The following MGAT4C variants were observed in gnomAD, a reference collection of about 807,000 sequenced individuals.
The protein encoded by MGAT4C is alpha-1,3-mannosyl-glycoprotein 4-beta-N-acetylglucosaminyltransferase C.
A neutral mutation model predicts 40.1 loss-of-function variants in MGAT4C; 19 were observed. The ratio of observed to expected loss-of-function variants is 0.47; its 90% confidence interval spans 0.33 to 0.70. The LOEUF (loss-of-function observed/expected upper bound fraction) is 0.70. Ranked by LOEUF, MGAT4C falls within the 30% of genes least tolerant of loss-of-function variation. MGAT4C has a pLI of 0.02. For missense variants in MGAT4C, 491 were observed against 563.2 expected (o/e 0.87, Z 1.30); for synonymous variants, 181 against 187.1 (o/e 0.97, Z 0.27).
intron 2 of MGAT4C, among the ~76,000 whole-genome samples, chr12:86,496,161 C>T (rs1301088769): frequency 6.6e-6 from 1 of 151,962 alleles, no homozygotes; most frequent in Non-Finnish European, 1.5e-5. Context: ...CTAGTGGATG[C>T]ATTTGATGAT....
chr12:86,702,795 G>T (rs894719864), intron 2 of MGAT4C, among the ~76,000 whole-genome samples: 1 of 152,104 alleles, frequency 6.6e-6, no homozygotes, highest in Non-Finnish European at 1.5e-5. Context: ...CATTCGCTCT[G>T]CAGCCCATTG....
intron 1 of MGAT4C, among the ~76,000 whole-genome samples, chr12:86,110,267 ACT>A (rs1877022983): frequency 3.8e-5 from 1 of 26,070 alleles, no homozygotes; most frequent in South Asian, 1.8e-3. Context: ...ATATATATAG[ACT>A]ATATATATAG....
chr12:86,213,761 C>T (rs567687592), intron 1 of MGAT4C, among the ~76,000 whole-genome samples: 13 of 152,178 alleles, frequency 8.5e-5, no homozygotes, highest in Non-Finnish European at 1.2e-4. Context: ...CTGTCAAAAC[C>T]GAAGTTAAAA....
intron 1 of MGAT4C, among the ~76,000 whole-genome samples, chr12:86,194,457 T>A (rs984283423): frequency 4.7e-5 from 5 of 105,746 alleles, no homozygotes; most frequent in Admixed American, 9.3e-5. Context: ...AGCAAATCAA[T>A]TTTTTTTTTT....
intron 2 of MGAT4C, among the ~76,000 whole-genome samples, chr12:86,043,924 T>A (rs1892137111): frequency 6.6e-6 from 1 of 152,182 alleles, no homozygotes; most frequent in African/African-American, 2.4e-5. Flanking sequence ...CCAGCGTGGG[T>A]CATTTTGAGG....
chr12:86,165,916 A>C (rs1324668363), intron 1 of MGAT4C, among the ~76,000 whole-genome samples: 2 of 152,194 alleles, frequency 1.3e-5, no homozygotes, highest in African/African-American at 4.8e-5. Context: ...TCCTGGCTTC[A>C]TCAATGTCAA....
intron 2 of MGAT4C, among the ~76,000 whole-genome samples, chr12:86,024,630 A>G (rs1272489608): frequency 6.6e-6 from 1 of 151,808 alleles, no homozygotes; most frequent in African/African-American, 2.4e-5. Context: ...AAGTAATTTC[A>G]GGTTAACTCA....
At chr12:86,102,235 T>C (rs968203231) in intron 1 of MGAT4C, among the ~76,000 whole-genome samples, 2 of 151,984 alleles carry the variant, frequency 1.3e-5, no homozygotes, top group African/African-American at 4.8e-5. Flanking sequence ...GAACACTTTT[T>C]TTTGTAATGA....
intron 2 of MGAT4C, among the ~76,000 whole-genome samples, chr12:85,998,812 A>G (rs1414011304): frequency 6.6e-6 from 1 of 152,040 alleles, no homozygotes; most frequent in African/African-American, 2.4e-5. Context: ...ATGTTTTTCT[A>G]TCTTCTTCTG....
At chr12:86,170,893 GT>G (rs1268040112) in intron 1 of MGAT4C, among the ~76,000 whole-genome samples, 6 of 152,054 alleles carry the variant, frequency 3.9e-5, no homozygotes, top group African/African-American at 1.4e-4. Context: ...GGGCGACAGA[GT>G]GAGAAAGAAA....
chr12:86,215,320 C>T (rs1443672331), intron 1 of MGAT4C, among the ~76,000 whole-genome samples: 1 of 152,120 alleles, frequency 6.6e-6, no homozygotes, highest in East Asian at 1.9e-4. Flanking sequence ...TAATCCAAAG[C>T]AAGACCCTCT....
At chr12:86,740,704 T>C (rs1399328346) in intron 1 of MGAT4C, among the ~76,000 whole-genome samples, 1 of 151,144 alleles carries the variant, frequency 6.6e-6, no homozygotes, top group Non-Finnish European at 1.5e-5. Context: ...TGGCCTTCAA[T>C]AGAGCAATTC....
In MGAT4C at chr12:86,536,999, A is replaced by C. The variant is rs150987139; in HGVS notation, c.-228-101734T>G. ...TCCAACAATGACAGATGGGATTAAG[A>C]AAATGTGGCACATATACAACATGGA... On this transcript the variant is annotated intron_variant, in intron 2 of 7. Coordinates refer to the MGAT4C transcript ENST00000548651. Among the ~76,000 whole-genome samples, 1,262 of 152,336 alleles carry C rather than the reference A, an allele frequency of 8.3e-3. 25 individuals carry two copies. Among genetic ancestry groups the C allele is most frequent in the African/African-American group, 0.029 (1,211 of 41,576 alleles).
chr12:86,422,966 T>C (rs1172213653), intron 3 of MGAT4C, among the ~76,000 whole-genome samples: 3 of 152,138 alleles, frequency 2.0e-5, no homozygotes, highest in Admixed American at 6.5e-5. Context: ...TTTTGTTGTA[T>C]AGTGGAGGAA....
At chr12:86,372,259 G>C (rs114627001) in intron 3 of MGAT4C, among the ~76,000 whole-genome samples, 2,733 of 151,806 alleles carry the variant, frequency 0.018, 77 homozygotes, top group African/African-American at 0.062. Context: ...TTCATGCCTA[G>C]GGTATATTAT....
At chr12:86,298,312 A>C (rs1346640541) in intron 4 of MGAT4C, among the ~76,000 whole-genome samples, 1 of 152,184 alleles carries the variant, frequency 6.6e-6, no homozygotes, top group Non-Finnish European at 1.5e-5. Flanking sequence ...TTCATGTTTA[A>C]ATCATCAAAT....
intron 1 of MGAT4C, among the ~76,000 whole-genome samples, chr12:86,209,845 T>C (rs1027489940): frequency 8.5e-5 from 13 of 152,178 alleles, no homozygotes; most frequent in African/African-American, 2.9e-4. Context: ...AAAAAGAAGA[T>C]AGAAAGAGTT....
Position 86,628,336 on chromosome 12 carries a change from C to T in MGAT4C, c.-229+98873G>A, listed in dbSNP as rs553966135. Reference sequence around the variant, plus strand: ...GGAAAACACTCTTCAGTATATTATCCGGGAGAACTTCCCCAACCTAGCAAG... The same window carrying T: ...GGAAAACACTCTTCAGTATATTATCTGGGAGAACTTCCCCAACCTAGCAAG... On this transcript the variant is annotated intron_variant, in intron 2 of 7. Coordinates refer to the MGAT4C transcript ENST00000548651. Among the ~76,000 whole-genome samples, 11 of 152,220 alleles carry T rather than the reference C, an allele frequency of 7.2e-5. No homozygotes were observed. In the East Asian group the frequency reaches 1.2e-3, roughly 16 times the overall value.
intron 2 of MGAT4C, among the ~76,000 whole-genome samples, chr12:86,689,063 C>A (rs1950126090): frequency 6.6e-6 from 1 of 152,140 alleles, no homozygotes; most frequent in Non-Finnish European, 1.5e-5. Context: ...TCTCTCTAAT[C>A]TTGTCTTCAC....
Sources: allele counts gnomAD v4.1 joint callset (sites outside exome capture counted in the v4.1 genomes callset), GRCh38; gene constraint gnomAD v4.1.1; transcripts MANE v1.5; gene names NCBI Gene and HGNC (gene_info 2026-07-23, HGNC 2026-07-21).